NSUN6: variants seen among roughly 807,000 people sequenced by gnomAD.
NSUN6 encodes NOP2/Sun RNA methyltransferase 6.
NSUN6 carries 64 observed loss-of-function variants against 58.0 expected under a neutral mutation model. The ratio of observed to expected loss-of-function variants is 1.10; its 90% CI spans 0.90 to 1.36. The LOEUF is 1.36. NSUN6 is among the 40% of genes most tolerant of loss of function. NSUN6 has a pLI of 0.00. For synonymous variants in NSUN6, 231 were observed against 193.9 expected (o/e 1.19, Z -1.59); for missense variants, 701 against 550.1 (o/e 1.27, Z -2.74).
chr10:18,647,479 G>A (rs1455696042), intron 2 of NSUN6, among the ~76,000 whole-genome samples: 1 of 152,122 alleles, frequency 6.6e-6, no homozygotes, highest in Non-Finnish European at 1.5e-5. Context: ...CTAAGGCAAA[G>A]CTTTCAAAAG....
chr10:18,645,285 GCTTT>G (rs1217771966), intron 2 of NSUN6, among the ~76,000 whole-genome samples: 1 of 151,658 alleles, frequency 6.6e-6, no homozygotes, highest in Non-Finnish European at 1.5e-5. Flanking sequence ...TGACACCTTT[GCTTT>G]CTGATGGTTT....
intron 3 of NSUN6, among the ~76,000 whole-genome samples, chr10:18,626,474 A>G (rs2058810453): frequency 6.6e-6 from 1 of 152,266 alleles, no homozygotes; most frequent in African/African-American, 2.4e-5. Flanking sequence ...GAAAGTCAAA[A>G]GAGACTTAAT....
At chr10:18,574,705 C>G (rs1167451111) in intron 8 of NSUN6, among the ~76,000 whole-genome samples, 1 of 152,138 alleles carries the variant, frequency 6.6e-6, no homozygotes, top group African/African-American at 2.4e-5. Context: ...AAGGAACCAT[C>G]TATACCAATT....
chr10:18,652,213 CATT>C, upstream of NSUN6: 3 of 984,720 alleles, frequency 3.0e-6, no homozygotes, highest in Non-Finnish European at 3.6e-6. Context: ...AGACCCTCGC[CATT>C]ATTTTTTTTT....
In NSUN6 at chr10:18,603,528, T is replaced by C. The variant is rs552316683; in HGVS notation, c.657+6317A>G. On this transcript the variant is annotated intron_variant, in intron 6 of 10. Transcript: ENST00000377304. Reference sequence around the variant, plus strand: ...TCTTGTCGCCCAGGCTGGAGTGCAATGGTGCAATCTAGGCTCACTTCAACC... The same window carrying C: ...TCTTGTCGCCCAGGCTGGAGTGCAACGGTGCAATCTAGGCTCACTTCAACC... Among the ~76,000 whole-genome samples, 38 of 151,032 alleles carry C rather than the reference T, an allele frequency of 2.5e-4. 1 individual carries two copies. The highest frequency in any genetic ancestry group is 2.3e-3 in the Admixed American group (35 of 15,068).
intron 8 of NSUN6, among the ~76,000 whole-genome samples, chr10:18,569,117 G>C (rs538059915): frequency 7.6e-6 from 1 of 131,336 alleles, no homozygotes; most frequent in African/African-American, 2.9e-5. Context: ...TTCTCCATCC[G>C]TTACATTCTC....
intron 8 of NSUN6, among the ~76,000 whole-genome samples, chr10:18,566,851 C>G (rs1213470755): frequency 6.8e-6 from 1 of 147,588 alleles, no homozygotes; most frequent in African/African-American, 2.5e-5. Flanking sequence ...TTCCATTCCA[C>G]TCTTTCCCAT....
chr10:18,592,702 T>C (rs1169148213), intron 7 of NSUN6, among the ~76,000 whole-genome samples: 2 of 150,598 alleles, frequency 1.3e-5, no homozygotes, highest in African/African-American at 4.9e-5. Flanking sequence ...CTTACACAAA[T>C]ATTAACTCAA....
chr10:18,624,885 G>A lies in NSUN6; in HGVS notation c.312-8592C>T, dbSNP rs529053482. Among the ~76,000 whole-genome samples, 95 of 152,164 alleles carry A rather than the reference G, an allele frequency of 6.2e-4. 1 individual carries two copies. Among genetic ancestry groups the A allele is most frequent in the South Asian group, 2.3e-3 (11 of 4,822 alleles). On this transcript the variant is annotated intron_variant, in intron 3 of 10. Coordinates refer to ENST00000377304, the MANE Select transcript of NSUN6 (RefSeq NM_182543.5). The stretch of plus-strand genomic sequence containing the variant: ...GAGTGGCTCACAATTCCTAAACTCT[G>A]TACAAGCAAGGTACAAACACATGTT...
At chr10:18,559,458 G>A (rs1409312769) in intron 8 of NSUN6, among the ~76,000 whole-genome samples, 2 of 150,460 alleles carry the variant, frequency 1.3e-5, no homozygotes, top group Non-Finnish European at 3.0e-5. Context: ...AGAATGGATT[G>A]GAATGGAATG....
At chr10:18,567,234 C>G (rs1244775735) in intron 8 of NSUN6, among the ~76,000 whole-genome samples, 1 of 151,436 alleles carries the variant, frequency 6.6e-6, no homozygotes, top group African/African-American at 2.4e-5. Context: ...ATTCTCCATT[C>G]CATTCCATAT....
At chr10:18,640,907 C>T (rs891678794) in intron 3 of NSUN6, among the ~76,000 whole-genome samples, 24 of 150,720 alleles carry the variant, frequency 1.6e-4, no homozygotes, top group Non-Finnish European at 3.4e-4. Flanking sequence ...CCTTTTATTT[C>T]CCCCCTCTCT....
intron 3 of NSUN6, among the ~76,000 whole-genome samples, chr10:18,620,623 C>T (rs776017633): frequency 2.6e-5 from 4 of 152,182 alleles, no homozygotes; most frequent in Non-Finnish European, 5.9e-5. Context: ...ACCTTAACAG[C>T]CCTTCGGCCT....
At chr10:18,634,326 C>A (rs536821940) in intron 3 of NSUN6, among the ~76,000 whole-genome samples, 5 of 152,258 alleles carry the variant, frequency 3.3e-5, no homozygotes, top group African/African-American at 1.2e-4. Context: ...ATAAGTAATA[C>A]ATCCCTATGA....
chr10:18,565,757 C>A (rs2055878321), intron 8 of NSUN6, among the ~76,000 whole-genome samples: 1 of 150,806 alleles, frequency 6.6e-6, no homozygotes. Context: ...CGCTCCATTT[C>A]ATTCCATTCC....
intron 8 of NSUN6, among the ~76,000 whole-genome samples, chr10:18,560,061 G>C (rs1400816056): frequency 1.1e-5 from 1 of 95,222 alleles, no homozygotes; most frequent in South Asian, 4.3e-4. Flanking sequence ...GGAATGAAAT[G>C]GAAAATGGAA....
intron 3 of NSUN6, among the ~76,000 whole-genome samples, chr10:18,619,343 A>C (rs1436817567): frequency 6.6e-6 from 1 of 152,222 alleles, no homozygotes; most frequent in African/African-American, 2.4e-5. Context: ...TCTCAGAAAC[A>C]CATTTTTCTC....
upstream of NSUN6, chr10:18,658,377 A>G (rs1350584802): frequency 1.3e-5 from 2 of 152,258 alleles, no homozygotes; most frequent in African/African-American, 2.4e-5. Flanking sequence ...TTAAAATCCA[A>G]CCATCTGACT....
intron 9 of NSUN6, among the ~76,000 whole-genome samples, chr10:18,550,865 C>T (rs2054556101): frequency 6.6e-6 from 1 of 151,964 alleles, no homozygotes; most frequent in South Asian, 2.1e-4. Flanking sequence ...GCTGGGACTA[C>T]AGGCGCCCAC....
Sources: gnomAD v4.1 joint callset for allele counts (sites outside exome capture counted in the v4.1 genomes callset) on GRCh38, gnomAD v4.1.1 for gene constraint, MANE v1.5 for transcripts, NCBI Gene and HGNC (gene_info 2026-07-23, HGNC 2026-07-21) for gene names.